The following SUGCT variants were observed in gnomAD, a reference collection of about 807,000 sequenced individuals.
SUGCT encodes succinyl-CoA:glutarate CoA-transferase.
Under a neutral mutation model 55.0 loss-of-function variants are expected in SUGCT, and 41 were observed. That is an observed-to-expected ratio of 0.74 (90% CI 0.58 to 0.97). The LOEUF is 0.97. SUGCT is among the 50% of genes least tolerant of loss of function. The pLI, the probability that SUGCT is intolerant of heterozygous loss-of-function variation, is 0.00. For missense variants in SUGCT, 568 were observed against 547.8 expected, an observed-to-expected ratio of 1.04 and a Z score of -0.37; for synonymous variants, 187 against 200.4, an observed-to-expected ratio of 0.93 and a Z score of 0.56.
the SUGCT span, among the ~76,000 whole-genome samples, chr7:40,908,195 G>A: frequency 2.0e-5 from 3 of 151,518 alleles, no homozygotes; most frequent in African/African-American, 4.9e-5. Flanking sequence ...TGGCTAACAC[G>A]GTGAAACCCC....
chr7:40,274,073 CTTTTTTTTTTT>C (rs386409972), intron 7 of SUGCT, among the ~76,000 whole-genome samples: 8 of 68,020 alleles, frequency 1.2e-4, no homozygotes, highest in East Asian at 5.4e-4. Flanking sequence ...TTTTTACCTT[CTTTTTTTTTTT>C]TTTTTTTTTT....
Position 40,523,549 on chromosome 7 carries a change from T to C in SUGCT, c.1089+27163T>C, listed in dbSNP as rs918079010. On this transcript the variant is annotated intron_variant, in intron 12 of 13. Transcript: ENST00000335693. Reference sequence around the variant, plus strand: ...TTAAACTAACACAAATTTATTCTAGTTCTGGATATCTGAAGTCTAAAATAG... The same window carrying C: ...TTAAACTAACACAAATTTATTCTAGCTCTGGATATCTGAAGTCTAAAATAG... Among the ~76,000 whole-genome samples the C allele has an allele frequency of 3.9e-5, 6 of 152,188 alleles. No individual in the cohort carries two copies. The South Asian group carries it at 1.2e-3, about 32-fold the overall frequency.
chr7:40,511,280 C>T (rs936549065), intron 12 of SUGCT, among the ~76,000 whole-genome samples: 2 of 152,068 alleles, frequency 1.3e-5, no homozygotes, highest in Admixed American at 1.3e-4. Context: ...TGTGGGAAAA[C>T]ATCTGGCCAA....
the SUGCT span, among the ~76,000 whole-genome samples, chr7:40,908,969 G>A: frequency 6.6e-6 from 1 of 151,976 alleles, no homozygotes; most frequent in African/African-American, 2.4e-5. Flanking sequence ...AGTATACATA[G>A]ATACATCATA....
At chr7:40,166,623 C>T (rs1784435110) in intron 1 of SUGCT, among the ~76,000 whole-genome samples, 1 of 151,990 alleles carries the variant, frequency 6.6e-6, no homozygotes, top group African/African-American at 2.4e-5. Context: ...ATGGTGGCTC[C>T]CACCTGTAAT....
At chr7:40,183,321 G>A (rs1785321948) in intron 3 of SUGCT, among the ~76,000 whole-genome samples, 1 of 152,090 alleles carries the variant, frequency 6.6e-6, no homozygotes, top group African/African-American at 2.4e-5. Flanking sequence ...TCCAACCTAA[G>A]TCATTCTTTT....
chr7:40,542,518 A>G (rs73122157), intron 12 of SUGCT, among the ~76,000 whole-genome samples: 7,771 of 152,284 alleles, frequency 0.051, 242 homozygotes, highest in Middle Eastern at 0.088. Context: ...ATTATCCCAT[A>G]GTACTGATTA....
At chr7:40,685,027 A>AT (rs1226469675) in intron 12 of SUGCT, among the ~76,000 whole-genome samples, 3 of 151,126 alleles carry the variant, frequency 2.0e-5, no homozygotes, top group East Asian at 1.9e-4. Context: ...TTTTATTTTT[A>AT]TTTTTTTTCA....
chr7:40,888,857 T>C, the SUGCT span, among the ~76,000 whole-genome samples: 34 of 152,260 alleles, frequency 2.2e-4, no homozygotes, highest in Admixed American at 1.0e-3. Context: ...GGGACTCAGA[T>C]GCACCTGGGT....
chr7:40,288,970 T>C (rs529328484), intron 8 of SUGCT, among the ~76,000 whole-genome samples: 2 of 152,146 alleles, frequency 1.3e-5, no homozygotes, highest in African/African-American at 2.4e-5. Flanking sequence ...TTTCAGTCTT[T>C]TCTTTCTTCC....
the SUGCT span, among the ~76,000 whole-genome samples, chr7:40,916,332 G>T: frequency 6.6e-6 from 1 of 152,156 alleles, no homozygotes; most frequent in Admixed American, 6.5e-5. Flanking sequence ...CATTCTGATT[G>T]CAGTGGTTGA....
At chr7:40,912,337 A>G in the SUGCT span, among the ~76,000 whole-genome samples, 1 of 152,178 alleles carries the variant, frequency 6.6e-6, no homozygotes. Flanking sequence ...TGGTTGTTGT[A>G]TCTTGCTTGT....
At position 40,575,119 on chromosome 7, in the gene SUGCT, C is replaced by CGG. The variant is rs1210366162; in HGVS notation, c.1089+78737_1089+78738dup. Among the ~76,000 whole-genome samples the CGG allele has an allele frequency of 2.3e-3, 228 of 98,970 alleles. 4 individuals carry two copies. The highest frequency in any genetic ancestry group is 9.7e-3 in the African/African-American group (210 of 21,590). The allele number at this position is 98,970 out of a possible 152,430, so 64.9% of individuals were successfully genotyped here. ...AGCAGGATGGTGGGCAGGAGGGTGG[C>CGG]GGGGGTGGGGGTGGAGATGGGTGAA... On this transcript the variant is annotated intron_variant, in intron 12 of 13. Transcript: ENST00000335693.
At chr7:40,235,547 A>T (rs1729278006) in intron 6 of SUGCT, among the ~76,000 whole-genome samples, 1 of 152,214 alleles carries the variant, frequency 6.6e-6, no homozygotes, top group Admixed American at 6.6e-5. Flanking sequence ...GGCTGGTTTC[A>T]AACTCCTGAC....
chr7:41,024,849 A>G, the SUGCT span, among the ~76,000 whole-genome samples: 1 of 152,178 alleles, frequency 6.6e-6, no homozygotes, highest in Non-Finnish European at 1.5e-5. Flanking sequence ...AAATATATGC[A>G]CGAGAACCAT....
rs1461603693 is a variant in SUGCT, at chr7:40,274,758, AAACC to A, written c.720+106_720+109del. The A allele has an allele frequency of 6.7e-6, 7 of 1,051,430 alleles. No individual in the cohort carries two copies. In the East Asian group the frequency reaches 1.7e-4, roughly 26 times the overall value. 65.1% of individuals were successfully genotyped at this position (1,051,430 alleles called of 1,614,324 possible). A position where few individuals can be genotyped will look rare whatever the true frequency, so the allele number is the denominator to read the frequency against. ...GGTCACATGTACAAAAACAATACAA[AAACC>A]AACACAACAACACTGAAAACTGTTT... On this transcript the variant is annotated intron_variant, in intron 8 of 13. Transcript: ENST00000335693.
chr7:40,181,956 G>T lies in SUGCT; in HGVS notation c.154G>T (p.Val52Phe), dbSNP rs552763176. 7.6e-6 allele frequency: 12 copies of T among 1,574,776 alleles called. No individual in the cohort carries two copies. The highest frequency in any genetic ancestry group is 2.3e-5 in the East Asian group (1 of 43,910). ...TATTTATCATTTTTAACATTGTAGA[G>T]TCCTGGCGGGACCTTTTGCTACTAT... ...EGVKILDLTR[V>F]LAGPFATMNL... is the part of the protein sequence containing the mutation. The change falls in exon 3 of 14, where the codon GTC becomes TTC. Residue 52 changes from valine to phenylalanine, a missense_variant and splice_region_variant. Coordinates refer to ENST00000335693, the MANE Select transcript of SUGCT (RefSeq NM_001193313.2).
chr7:40,321,078 CTTTTTTTTTTT>C, intron 9 of SUGCT, among the ~76,000 whole-genome samples: 1 of 138,210 alleles, frequency 7.2e-6, no homozygotes, highest in Middle Eastern at 3.7e-3. Context: ...TTCTTTCTTT[CTTTTTTTTTTT>C]TTTTTGAAGT....
At chr7:40,667,785 G>C (rs1488533715) in intron 12 of SUGCT, among the ~76,000 whole-genome samples, 1 of 151,978 alleles carries the variant, frequency 6.6e-6, no homozygotes, top group Non-Finnish European at 1.5e-5. Context: ...TGCAGCATTA[G>C]TTGTAATGTC....
Sources: gnomAD v4.1 joint callset for allele counts (sites outside exome capture counted in the v4.1 genomes callset) on GRCh38, gnomAD v4.1.1 for gene constraint, MANE v1.5 for transcripts, NCBI Gene and HGNC (gene_info 2026-07-23, HGNC 2026-07-21) for gene names.